Variants in PIGK observed in about 807,000 individuals in gnomAD.
The protein encoded by PIGK is GPI-anchor transamidase.
PIGK carries 42 observed loss-of-function variants against 50.6 expected under a neutral mutation model. The ratio of observed to expected loss-of-function variants is 0.83; its 90% CI spans 0.65 to 1.07. PIGK has a LOEUF of 1.07. Ranked by LOEUF, PIGK falls within the 50% of genes least tolerant of loss-of-function variation. The pLI, the probability that PIGK is intolerant of heterozygous loss-of-function variation, is 0.00. For synonymous variants in PIGK, 151 were observed against 156.0 expected (o/e 0.97, Z 0.24); for missense variants, 448 against 488.7 (o/e 0.92, Z 0.78).
chr1:77,198,738 G>A (rs140213049), intron 3 of PIGK, among the ~76,000 whole-genome samples: 20 of 151,986 alleles, frequency 1.3e-4, no homozygotes, highest in South Asian at 6.2e-4. Flanking sequence ...TATTAAACCC[G>A]TAATTAAATA....
chr1:77,101,605 C>CA (rs888115933), intron 10 of PIGK, among the ~76,000 whole-genome samples: 3 of 152,100 alleles, frequency 2.0e-5, no homozygotes, highest in South Asian at 2.1e-4. Flanking sequence ...TATTAAATGC[C>CA]AATTCATTAA....
intron 8 of PIGK, among the ~76,000 whole-genome samples, chr1:77,159,286 T>G (rs1174817554): frequency 2.0e-5 from 3 of 152,140 alleles, no homozygotes; most frequent in Admixed American, 6.5e-5. Context: ...CACCTAGATT[T>G]CAGAGGATGT....
Position 77,154,438 on chromosome 1 carries a change from A to C in PIGK, c.986+11T>G. 1 of 1,585,800 alleles carries C rather than the reference A, an allele frequency of 6.3e-7. No individual in the cohort carries two copies. The highest frequency in any genetic ancestry group is 1.1e-5 in the South Asian group (1 of 90,304). ...TAGTATTCTATTCAAATAATGGTTT[A>C]AGATGAATACCTGCTTTCCATGATT... On this transcript the variant is annotated intron_variant, in intron 9 of 10. Transcript: ENST00000370812.
chr1:77,156,481 A>C (rs868223749), intron 8 of PIGK, among the ~76,000 whole-genome samples: 26 of 152,106 alleles, frequency 1.7e-4, no homozygotes, highest in African/African-American at 6.0e-4. Context: ...GAATGTCCTC[A>C]CTCTAGCCAG....
chr1:77,114,700 C>T (rs1220812043), intron 10 of PIGK, among the ~76,000 whole-genome samples: 1 of 152,042 alleles, frequency 6.6e-6, no homozygotes, highest in African/African-American at 2.4e-5. Context: ...TTGGAAGTGG[C>T]TGTAATAAGT....
intron 2 of PIGK, among the ~76,000 whole-genome samples, chr1:77,209,916 C>G (rs2100588025): frequency 6.6e-6 from 1 of 152,080 alleles, no homozygotes; most frequent in East Asian, 1.9e-4. Context: ...AAAATATTAA[C>G]TCTGGGATGT....
At chr1:77,154,323 A>C in intron 9 of PIGK, 126 bp downstream of exon 9, 2 of 639,528 alleles carry the variant, frequency 3.1e-6, no homozygotes, top group Non-Finnish European at 5.5e-6. Flanking sequence ...ACATAAAGTG[A>C]AGACTGGGTA....
In PIGK at chr1:77,135,404, A is replaced by ATATATG. The variant is rs1491389652; in HGVS notation, c.987-13051_987-13046dup. Among the ~76,000 whole-genome samples, 4 of 152,022 alleles carry ATATATG rather than the reference A, an allele frequency of 2.6e-5. No individual in the cohort carries two copies. In the East Asian group the frequency reaches 7.7e-4, roughly 29 times the overall value. On this transcript the variant is annotated intron_variant, in intron 9 of 10. Transcript: ENST00000370812. ...TGTACTATGTACTATGTGTATACAC[A>ATATATG]TATATGTATATGTACTATGTATATA... is the stretch of plus-strand genomic sequence containing the variant.
At position 77,150,749 on chromosome 1, in the gene PIGK, G is replaced by C. The variant is rs1654878625; in HGVS notation, c.986+3700C>G. On this transcript the variant is annotated intron_variant, in intron 9 of 10. Coordinates refer to ENST00000370812, the MANE Select transcript of PIGK (RefSeq NM_005482.3). ...GCCGAAAAAACTGGAAAATCTAGAAGAAACATATAAAATCCTGGACACATA... is the reference window on the plus strand; with the variant it reads ...GCCGAAAAAACTGGAAAATCTAGAACAAACATATAAAATCCTGGACACATA... 2.0e-5 allele frequency among the ~76,000 whole-genome samples: 3 copies of C among 151,982 alleles called. No homozygotes were observed. In the South Asian group the frequency reaches 6.2e-4, roughly 32 times the overall value.
intron 3 of PIGK, among the ~76,000 whole-genome samples, chr1:77,179,283 T>G (rs1224142826): frequency 6.6e-6 from 1 of 152,192 alleles, no homozygotes; most frequent in Non-Finnish European, 1.5e-5. Flanking sequence ...AAAGTTTTGG[T>G]CAATCTCTCA....
intron 4 of PIGK, among the ~76,000 whole-genome samples, chr1:77,168,592 T>C (rs1655283225): frequency 1.4e-5 from 2 of 140,630 alleles, no homozygotes; most frequent in Non-Finnish European, 3.0e-5. Flanking sequence ...ACACAGGCCC[T>C]CTTAGCTTAC....
At chr1:77,098,720 A>AAT (rs1358983397) in intron 10 of PIGK, among the ~76,000 whole-genome samples, 1 of 152,180 alleles carries the variant, frequency 6.6e-6, no homozygotes, top group African/African-American at 2.4e-5. Flanking sequence ...ACATAAATGG[A>AAT]ATTTATGACA....
Position 77,154,583 on chromosome 1 carries a change from A to G in PIGK, c.852T>C (p.Pro284=), listed in dbSNP as rs1465305888. The G allele has an allele frequency of 1.9e-6, 3 of 1,612,764 alleles. No homozygotes were observed. Among genetic ancestry groups the G allele is most frequent in the Non-Finnish European group, 1.7e-6 (2 of 1,179,062 alleles). Residue 284 remains proline (P), a synonymous_variant, in exon 9 of 11, where the codon CCT becomes CCC. Transcript: ENST00000370812. Reference sequence around the variant, plus strand: ...TCTGAAAAAGATCAGTGCGATGTCCAGGAGTAGACACACACAGACTTTTGG... The same window carrying G: ...TCTGAAAAAGATCAGTGCGATGTCCGGGAGTAGACACACACAGACTTTTGG... ...VCPKSLCVST[P]GHRTDLFQRD... is the part of the protein sequence containing the mutation.
chr1:77,104,949 T>C (rs1370704206), intron 10 of PIGK, among the ~76,000 whole-genome samples: 1 of 152,166 alleles, frequency 6.6e-6, no homozygotes, highest in Non-Finnish European at 1.5e-5. Context: ...CCTCAGTGCA[T>C]GGAGCAACGG....
rs1653610683 is a variant in PIGK at position 77,104,019 on chromosome 1, T to A, written c.1072-11529A>T. Among the ~76,000 whole-genome samples the A allele has an allele frequency of 7.2e-5, 10 of 139,250 alleles. No homozygotes were observed. In the South Asian group the frequency reaches 2.0e-3, roughly 28 times the overall value. 91.4% of individuals were successfully genotyped at this position (139,250 alleles called of 152,430 possible). A position where few individuals can be genotyped will look rare whatever the true frequency, so the allele number is the denominator to read the frequency against. Reference sequence around the variant, plus strand: ...TGAGGCTAAATCAGGATAGTGGGGCTATCTTAAAAAAAAAAAAAAAGACTA... The same window carrying A: ...TGAGGCTAAATCAGGATAGTGGGGCAATCTTAAAAAAAAAAAAAAAGACTA... On this transcript the variant is annotated intron_variant, in intron 10 of 10. Coordinates refer to ENST00000370812, the MANE Select transcript of PIGK (RefSeq NM_005482.3).
intron 9 of PIGK, among the ~76,000 whole-genome samples, chr1:77,130,896 AC>A (rs960388449): frequency 3.3e-5 from 5 of 152,146 alleles, no homozygotes; most frequent in African/African-American, 1.2e-4. Context: ...TACATACTCC[AC>A]AGCTGCTTTG....
At chr1:77,137,372 T>C (rs910526180) in intron 9 of PIGK, among the ~76,000 whole-genome samples, 4 of 152,212 alleles carry the variant, frequency 2.6e-5, no homozygotes, top group Non-Finnish European at 2.9e-5. Flanking sequence ...GTGGTTGTTA[T>C]TTAGACATTA....
chr1:77,171,317 G>C (rs1655355162), intron 3 of PIGK, among the ~76,000 whole-genome samples: 1 of 150,780 alleles, frequency 6.6e-6, no homozygotes, highest in South Asian at 2.1e-4. Flanking sequence ...GGCGCCTGTA[G>C]TCCCAGCTAC....
At chr1:77,116,376 G>A (rs765998623) in intron 10 of PIGK, among the ~76,000 whole-genome samples, 3 of 151,750 alleles carry the variant, frequency 2.0e-5, no homozygotes, top group East Asian at 1.9e-4. Flanking sequence ...TAGTAGAGAC[G>A]GGGTTTCACC....
Sources: gnomAD v4.1 joint callset for allele counts (sites outside exome capture counted in the v4.1 genomes callset) on GRCh38, gnomAD v4.1.1 for gene constraint, MANE v1.5 for transcripts, NCBI Gene and HGNC (gene_info 2026-07-23, HGNC 2026-07-21) for gene names.